Variants in CDH4 observed in about 807,000 individuals in gnomAD.
CDH4 encodes cadherin-4.
Under a neutral mutation model 86.0 loss-of-function variants are expected in CDH4, and 33 were observed. The observed-to-expected ratio is 0.38, with a 90% CI of 0.29 to 0.51. The LOEUF (loss-of-function observed/expected upper bound fraction) is 0.51, where lower values mean the gene tolerates loss of function less well. Ranked by LOEUF, CDH4 falls within the 20% of genes least tolerant of loss-of-function variation. The pLI, the probability that CDH4 is intolerant of heterozygous loss-of-function variation, is 0.86. For synonymous variants in CDH4, 555 were observed against 549.4 expected (o/e 1.01, Z -0.14); for missense variants, 1,114 against 1,307.4 (o/e 0.85, Z 2.28).
intron 7 of CDH4, among the ~76,000 whole-genome samples, chr20:61,885,897 A>G (rs906713049): frequency 6.6e-6 from 1 of 152,174 alleles, no homozygotes; most frequent in Non-Finnish European, 1.5e-5. Flanking sequence ...ACAGCAGGGA[A>G]GGCCCTTGGG....
intron 2 of CDH4, among the ~76,000 whole-genome samples, chr20:61,279,922 G>A (rs1409477052): frequency 1.3e-5 from 2 of 152,172 alleles, no homozygotes; most frequent in East Asian, 1.9e-4. Flanking sequence ...AGGGAAAGGG[G>A]ACATCTTCAC....
intron 2 of CDH4, among the ~76,000 whole-genome samples, chr20:61,471,498 ATT>A (rs138357591): frequency 7.0e-6 from 1 of 143,846 alleles, no homozygotes; most frequent in African/African-American, 2.6e-5. Flanking sequence ...TTTTTTTTGT[ATT>A]TTTTTTCAAT....
In CDH4 at chr20:61,894,918, G is replaced by C. The variant is rs1340117519; in HGVS notation, c.1059G>C (p.Gln353His). The C allele has an allele frequency of 1.2e-6, 2 of 1,613,136 alleles. No individual in the cohort carries two copies. The highest frequency in any genetic ancestry group is 1.7e-6 in the Non-Finnish European group (2 of 1,179,690). Residue 353 changes from glutamine (Q) to histidine (H), a missense_variant, in exon 8 of 16, where the codon CAG becomes CAC. Coordinates refer to ENST00000614565, the MANE Select transcript of CDH4 (RefSeq NM_001794.5). ...TGGTGTCTCCCTTCCAGAAAGTTCA[G>C]CAGTACACAGTCATCGTTCAGGCCA... is the stretch of plus-strand genomic sequence containing the variant. ...VAAGLDREKVQQYTVIVQATD... is the reference protein window; with the variant it reads ...VAAGLDREKVHQYTVIVQATD...
At chr20:61,282,942 T>C (rs1178359065) in intron 2 of CDH4, among the ~76,000 whole-genome samples, 4 of 49,178 alleles carry the variant, frequency 8.1e-5, no homozygotes, top group African/African-American at 2.5e-4. Context: ...ACGCGTGTGC[T>C]GTGGCGTGTG....
At position 61,401,601 on chromosome 20, in the gene CDH4, G is replaced by A. The variant is rs569110851; in HGVS notation, c.169+146664G>A. ...GCTGGATCCAGGTTTTCAAATGTCC[G>A]ATCTCTTGAACACAGTTTCTTCATA... On this transcript the variant is annotated intron_variant, in intron 2 of 15. Transcript: ENST00000614565. Among the ~76,000 whole-genome samples the A allele has an allele frequency of 9.0e-4, 137 of 152,290 alleles. 1 individual carries two copies. Among genetic ancestry groups the A allele is most frequent in the South Asian group, 3.3e-3 (16 of 4,824 alleles).
chr20:61,465,204 T>C (rs886685990), intron 2 of CDH4, among the ~76,000 whole-genome samples: 5 of 152,220 alleles, frequency 3.3e-5, no homozygotes, highest in Non-Finnish European at 7.3e-5. Flanking sequence ...GCTGGAGAGA[T>C]GGCATTTTGA....
chr20:61,752,065 C>T lies in CDH4; in HGVS notation c.396+8276C>T, dbSNP rs1055737128. Among the ~76,000 whole-genome samples the T allele has an allele frequency of 4.4e-4, 67 of 152,326 alleles. 1 individual carries two copies. The highest frequency in any genetic ancestry group is 1.5e-3 in the African/African-American group (64 of 41,572). On this transcript the variant is annotated intron_variant, in intron 3 of 15. Coordinates refer to ENST00000614565, the MANE Select transcript of CDH4 (RefSeq NM_001794.5). ...TAAGAACTTCTGCCAGGTGCGGTGG[C>T]TCACGCCTGTAATCCCAGCACTTTG...
chr20:61,373,701 G>T (rs184281946), intron 2 of CDH4, among the ~76,000 whole-genome samples: 104 of 152,290 alleles, frequency 6.8e-4, no homozygotes, highest in African/African-American at 2.4e-3. Flanking sequence ...GATATTTGGG[G>T]CTGTTTTGTC....
intron 2 of CDH4, among the ~76,000 whole-genome samples, chr20:61,319,969 T>A (rs1265184706): frequency 7.0e-6 from 1 of 142,222 alleles, no homozygotes; most frequent in South Asian, 2.3e-4. Context: ...AAAAAAAAAA[T>A]GGTGAATAGA....
intron 2 of CDH4, among the ~76,000 whole-genome samples, chr20:61,717,152 A>G (rs1274353422): frequency 6.6e-6 from 1 of 152,112 alleles, no homozygotes; most frequent in Non-Finnish European, 1.5e-5. Flanking sequence ...CTTGGCAGAG[A>G]TGAGTAAAGC....
At chr20:61,687,028 C>T (rs954479234) in intron 2 of CDH4, among the ~76,000 whole-genome samples, 3 of 151,714 alleles carry the variant, frequency 2.0e-5, no homozygotes, top group Non-Finnish European at 4.4e-5. Context: ...TGGGCGGTGC[C>T]CTTGCTGGAA....
intron 4 of CDH4, among the ~76,000 whole-genome samples, chr20:61,803,555 C>G (rs1979951108): frequency 6.6e-6 from 1 of 152,190 alleles, no homozygotes; most frequent in African/African-American, 2.4e-5. Context: ...TGGAATCCAT[C>G]CAAATTAGGA....
chr20:61,465,373 T>C (rs1470056128), intron 2 of CDH4, among the ~76,000 whole-genome samples: 1 of 152,182 alleles, frequency 6.6e-6, no homozygotes, highest in Non-Finnish European at 1.5e-5. Flanking sequence ...ATTTTTTTTT[T>C]TTAACTTCTC....
At chr20:61,499,269 T>C (rs1300859651) in intron 2 of CDH4, among the ~76,000 whole-genome samples, 2 of 152,216 alleles carry the variant, frequency 1.3e-5, no homozygotes, top group South Asian at 2.1e-4. Context: ...AGCATCTGGG[T>C]TGGGGGCACA....
intron 2 of CDH4, among the ~76,000 whole-genome samples, chr20:61,532,304 T>C (rs1175036434): frequency 2.0e-5 from 3 of 152,192 alleles, no homozygotes; most frequent in Admixed American, 6.5e-5. Context: ...CATGTCCTGG[T>C]TTCTTTGTTC....
intron 2 of CDH4, among the ~76,000 whole-genome samples, chr20:61,439,238 T>C (rs62200867): frequency 0.17 from 25,454 of 152,010 alleles, 2,210 homozygotes; most frequent in Non-Finnish European, 0.18. Flanking sequence ...GTGTGCGTTT[T>C]GGTTGTGCTG....
chr20:61,364,101 G>A (rs1247129674), intron 2 of CDH4, among the ~76,000 whole-genome samples: 3 of 152,200 alleles, frequency 2.0e-5, no homozygotes, highest in Non-Finnish European at 4.4e-5. Context: ...GCCATCTGAA[G>A]CAAGGACAGG....
At chr20:61,327,746 A>G (rs951870080) in intron 2 of CDH4, among the ~76,000 whole-genome samples, 6 of 152,142 alleles carry the variant, frequency 3.9e-5, no homozygotes, top group African/African-American at 9.7e-5. Context: ...AATTTATTCT[A>G]TAGATGTACC....
chr20:61,686,331 C>T (rs1479391069), intron 2 of CDH4, among the ~76,000 whole-genome samples: 1 of 152,192 alleles, frequency 6.6e-6, no homozygotes, highest in Non-Finnish European at 1.5e-5. Context: ...GAGAACAAGC[C>T]CAACTGTGCG....
Sources: gnomAD v4.1 joint callset for allele counts (sites outside exome capture counted in the v4.1 genomes callset) on GRCh38, gnomAD v4.1.1 for gene constraint, MANE v1.5 for transcripts, NCBI Gene and HGNC (gene_info 2026-07-23, HGNC 2026-07-21) for gene names.